The following RFTN1 variants were observed in gnomAD, a reference collection of about 807,000 sequenced individuals.
RFTN1 encodes the protein raftlin, lipid raft linker 1.
RFTN1 carries 26 observed loss-of-function variants against 46.5 expected under a neutral mutation model. The ratio of observed to expected loss-of-function variants is 0.56; its 90% confidence interval spans 0.41 to 0.78. The LOEUF is 0.78. Ranked by LOEUF, RFTN1 falls within the 30% of genes least tolerant of loss-of-function variation. RFTN1 has a pLI of 0.00. For missense variants in RFTN1, 693 were observed against 718.7 expected (o/e 0.96, Z 0.41); for synonymous variants, 261 against 284.2 (o/e 0.92, Z 0.82).
intron 4 of RFTN1, among the ~76,000 whole-genome samples, chr3:16,399,869 C>T (rs2074559518): frequency 6.6e-6 from 1 of 152,178 alleles, no homozygotes; most frequent in South Asian, 2.1e-4. Flanking sequence ...CCAGAAGCAA[C>T]CCTGGTGGTC....
At position 16,317,639 on chromosome 3, in the gene RFTN1, G is replaced by C. The variant is rs1336325619; in HGVS notation, c.1333-407C>G. 3.3e-5 allele frequency among the ~76,000 whole-genome samples: 5 copies of C among 152,188 alleles called. No homozygotes were observed. Among genetic ancestry groups the C allele is most frequent in the African/African-American group, 1.2e-4 (5 of 41,436 alleles). ...TCATTTCCATTCTGAGCAGGCTGAG[G>C]ATTACCAGGCACGGGGCTGGCATTC... is the stretch of plus-strand genomic sequence containing the variant. On this transcript the variant is annotated intron_variant, in intron 9 of 9. Transcript: ENST00000334133. This position sits in a 1 kb window ranked among gnomAD's most constrained non-coding sequence, Gnocchi z 4.3.
At chr3:16,476,006 G>A (rs1391127825) in intron 2 of RFTN1, among the ~76,000 whole-genome samples, 3 of 152,250 alleles carry the variant, frequency 2.0e-5, no homozygotes, top group Non-Finnish European at 4.4e-5. Flanking sequence ...CTGTCCTGCT[G>A]TTGTGCCAAG....
intron 2 of RFTN1, among the ~76,000 whole-genome samples, chr3:16,454,480 C>A (rs1408568695): frequency 1.3e-5 from 2 of 151,786 alleles, no homozygotes; most frequent in African/African-American, 4.8e-5. Context: ...TCACTCAAGT[C>A]TGAGGACGAT....
rs2076799063 is a variant in RFTN1, at chr3:16,506,015, A to G, written c.-9+7427T>C. Among the ~76,000 whole-genome samples the G allele has an allele frequency of 6.6e-6, 1 of 152,264 alleles. No individual in the cohort carries two copies. Among genetic ancestry groups the G allele is most frequent in the Non-Finnish European group, 1.5e-5 (1 of 68,054 alleles). The stretch of plus-strand genomic sequence containing the variant: ...TCATGGACCTTACCTTCAGAAGCCG[A>G]GAAACAGGCAATAGACAAACAAATA... On this transcript the variant is annotated intron_variant, in intron 1 of 9. Transcript: ENST00000334133. This position sits in a 1 kb window ranked among gnomAD's most constrained non-coding sequence, Gnocchi z 4.8.
chr3:16,412,640 A>G (rs1489523024), intron 3 of RFTN1, among the ~76,000 whole-genome samples: 1 of 152,208 alleles, frequency 6.6e-6, no homozygotes, highest in Non-Finnish European at 1.5e-5. Context: ...ACTTTTGTGC[A>G]ATCCAGCCCT....
intron 2 of RFTN1, among the ~76,000 whole-genome samples, chr3:16,492,335 G>C (rs1330125055): frequency 6.6e-6 from 1 of 152,206 alleles, no homozygotes; most frequent in Non-Finnish European, 1.5e-5. Flanking sequence ...GGGAGGAAGA[G>C]AAACACCTGC....
At position 16,351,200 on chromosome 3, in the gene RFTN1, G is replaced by A. The variant is rs2072075741; in HGVS notation, c.1146+6732C>T. Among the ~76,000 whole-genome samples, 1 of 152,194 alleles carries A rather than the reference G, an allele frequency of 6.6e-6. No individual in the cohort carries two copies. The highest frequency in any genetic ancestry group is 2.4e-5 in the African/African-American group (1 of 41,450). On this transcript the variant is annotated intron_variant, in intron 7 of 9. Transcript: ENST00000334133. The surrounding 1 kb of genome is among the most constrained non-coding windows in gnomAD (Gnocchi z 5.4). ...AACAACAGGGCCACCTGAATCCACT[G>A]CAGAATGGTTTGGGTTAGTGTCAGG... is the stretch of plus-strand genomic sequence containing the variant.
Position 16,380,551 on chromosome 3 carries a change from T to C in RFTN1, c.442-2449A>G, listed in dbSNP as rs530339864. ...TTCCTTTGCCATCTTGTACTGCAAATTTATCCTCTAGGCCAGGGGTTCTCA... is the reference window on the plus strand; with the variant it reads ...TTCCTTTGCCATCTTGTACTGCAAACTTATCCTCTAGGCCAGGGGTTCTCA... On this transcript the variant is annotated intron_variant, in intron 4 of 9. Transcript: ENST00000334133. This position sits in a 1 kb window ranked among gnomAD's most constrained non-coding sequence, Gnocchi z 4.8. 2.3e-4 allele frequency among the ~76,000 whole-genome samples: 35 copies of C among 152,262 alleles called. No homozygotes were observed. The highest frequency in any genetic ancestry group is 2.0e-3 in the Admixed American group (31 of 15,304).
chr3:16,353,657 GAAGT>G lies in RFTN1; in HGVS notation c.1146+4271_1146+4274del, dbSNP rs1374851839. Among the ~76,000 whole-genome samples, 1 of 152,210 alleles carries G rather than the reference GAAGT, an allele frequency of 6.6e-6. No homozygotes were observed. Among genetic ancestry groups the G allele is most frequent in the African/African-American group, 2.4e-5 (1 of 41,470 alleles). On this transcript the variant is annotated intron_variant, in intron 7 of 9. Transcript: ENST00000334133. The surrounding 1 kb of genome is among the most constrained non-coding windows in gnomAD (Gnocchi z 5.4). ...TGTATTTGGAGATGGGGCCTCTACA[GAAGT>G]AATTAAGGTTAAATGAAGTCATACG...
At position 16,336,528 on chromosome 3, in the gene RFTN1, T is replaced by A. The variant is rs117799393; in HGVS notation, c.1147-9652A>T. On this transcript the variant is annotated intron_variant, in intron 7 of 9. Transcript: ENST00000334133. The surrounding 1 kb of genome is among the most constrained non-coding windows in gnomAD (Gnocchi z 6.0). ...GCACGCTGGCCGGCTAGAGATGTTG[T>A]TTTCTCCTTTGTTTTATGCACAATG... is the stretch of plus-strand genomic sequence containing the variant. Among the ~76,000 whole-genome samples the A allele has an allele frequency of 6.6e-5, 10 of 152,332 alleles. No homozygotes were observed. In the East Asian group the frequency reaches 1.7e-3, roughly 26 times the overall value.
At position 16,489,019 on chromosome 3, in the gene RFTN1, C is replaced by T. The variant is rs1012645946; in HGVS notation, c.145+4706G>A. On this transcript the variant is annotated intron_variant, in intron 2 of 9. Transcript: ENST00000334133. This position sits in a 1 kb window ranked among gnomAD's most constrained non-coding sequence, Gnocchi z 4.0. Reference sequence around the variant, plus strand: ...GTAAAACAGAAAACACACCAAACAACATAAATCAATCTTAAATGAGTAAGT... The same window carrying T: ...GTAAAACAGAAAACACACCAAACAATATAAATCAATCTTAAATGAGTAAGT... 4.6e-5 allele frequency among the ~76,000 whole-genome samples: 7 copies of T among 152,198 alleles called. No homozygotes were observed. The highest frequency in any genetic ancestry group is 1.7e-4 in the African/African-American group (7 of 41,466).
rs898103618 is a variant in RFTN1 at position 16,481,037 on chromosome 3, C to T, written c.145+12688G>A. Among the ~76,000 whole-genome samples, 12 of 147,594 alleles carry T rather than the reference C, an allele frequency of 8.1e-5. No homozygotes were observed. The highest frequency in any genetic ancestry group is 1.4e-4 in the Non-Finnish European group (9 of 66,602). ...CACACACACACACACACACCTGAGC[C>T]CATTTTCATACAAGACTGAGTAGTG... On this transcript the variant is annotated intron_variant, in intron 2 of 9. Transcript: ENST00000334133. The surrounding 1 kb of genome is among the most constrained non-coding windows in gnomAD (Gnocchi z 5.1).
chr3:16,364,233 C>T (rs574141), intron 6 of RFTN1, among the ~76,000 whole-genome samples: 32,229 of 152,214 alleles, frequency 0.21, 4,295 homozygotes, highest in Non-Finnish European at 0.3. Flanking sequence ...GTTAGCTGGA[C>T]GTGGAAGCAC....
In RFTN1 at chr3:16,458,891, T is replaced by C. The variant is rs922488956; in HGVS notation, c.146-24854A>G. Among the ~76,000 whole-genome samples, 1 of 152,208 alleles carries C rather than the reference T, an allele frequency of 6.6e-6. No individual in the cohort carries two copies. The highest frequency in any genetic ancestry group is 2.4e-5 in the African/African-American group (1 of 41,456). On this transcript the variant is annotated intron_variant, in intron 2 of 9. Coordinates refer to ENST00000334133, the MANE Select transcript of RFTN1 (RefSeq NM_015150.2). The surrounding 1 kb of genome is among the most constrained non-coding windows in gnomAD (Gnocchi z 5.1). ...GTCATCTGAAAACATGGTGCTTAGC[T>C]TCACGAATTCCCTAAAAGTTACAAC... is the stretch of plus-strand genomic sequence containing the variant.
Position 16,506,096 on chromosome 3 carries a change from A to AG in RFTN1, c.-9+7345dup, listed in dbSNP as rs992134053. 2.6e-5 allele frequency among the ~76,000 whole-genome samples: 4 copies of AG among 152,322 alleles called. No individual in the cohort carries two copies. Among genetic ancestry groups the AG allele is most frequent in the African/African-American group, 4.8e-5 (2 of 41,566 alleles). ...TATGCCAACTAGAAAACAACAATGC[A>AG]GGGGGGAGGGATAGCAATCACAGGA... On this transcript the variant is annotated intron_variant, in intron 1 of 9. Transcript: ENST00000334133. This position sits in a 1 kb window ranked among gnomAD's most constrained non-coding sequence, Gnocchi z 4.8.
In RFTN1 at chr3:16,484,298, G is replaced by C. The variant is rs139993717; in HGVS notation, c.145+9427C>G. On this transcript the variant is annotated intron_variant, in intron 2 of 9. Transcript: ENST00000334133. This position sits in a 1 kb window ranked among gnomAD's most constrained non-coding sequence, Gnocchi z 4.6. ...TTGTGTGTCAGACTAACACCCCCCA[G>C]ACTGGAGGTCAAAGAAAAACTGGAC... Among the ~76,000 whole-genome samples the C allele has an allele frequency of 3.9e-3, 591 of 152,294 alleles. 3 individuals carry two copies. The highest frequency in any genetic ancestry group is 0.031 in the Middle Eastern group (9 of 294).
rs2076071638 is a variant in RFTN1, at chr3:16,465,374, A to AAG, written c.145+28350_145+28351insCT. Reference sequence around the variant, plus strand: ...ACGCTTTCATCAAGGCAATTCTCTGAGCACAGGAAAAAAATATCCCCAACA... The same window carrying AAG: ...ACGCTTTCATCAAGGCAATTCTCTGAAGGCACAGGAAAAAAATATCCCCAACA... On this transcript the variant is annotated intron_variant, in intron 2 of 9. Transcript: ENST00000334133. This position sits in a 1 kb window ranked among gnomAD's most constrained non-coding sequence, Gnocchi z 5.1. Among the ~76,000 whole-genome samples the AAG allele has an allele frequency of 6.6e-6, 1 of 151,762 alleles. No individual in the cohort carries two copies. The highest frequency in any genetic ancestry group is 1.5e-5 in the Non-Finnish European group (1 of 67,974).
chr3:16,376,049 C>T lies in RFTN1; in HGVS notation c.826+1669G>A, dbSNP rs1385948435. Among the ~76,000 whole-genome samples, 2 of 152,088 alleles carry T rather than the reference C, an allele frequency of 1.3e-5. No individual in the cohort carries two copies. The highest frequency in any genetic ancestry group is 6.5e-5 in the Admixed American group (1 of 15,274). On this transcript the variant is annotated intron_variant, in intron 5 of 9. Transcript: ENST00000334133. This position sits in a 1 kb window ranked among gnomAD's most constrained non-coding sequence, Gnocchi z 4.7. ...GAGGCAGGAAGTCTGGAAGGAGTAT[C>T]GGAGGAAGGTGGGCTCTGGAACACA...
At position 16,358,032 on chromosome 3, in the gene RFTN1, A is replaced by C; in HGVS notation, c.1046T>G (p.Leu349Trp). 1 of 1,578,720 alleles carries C rather than the reference A, an allele frequency of 6.3e-7. No homozygotes were observed. Among genetic ancestry groups the C allele is most frequent in the East Asian group, 2.3e-5 (1 of 43,550 alleles). Residue 349 changes from leucine to tryptophan, a missense_variant, in exon 7 of 10, where the codon TTG becomes TGG. Coordinates refer to ENST00000334133, the MANE Select transcript of RFTN1 (RefSeq NM_015150.2). ...TTCAAAGATGAATACTCCATCTGTC[A>C]AGCCATGTAAGGAATCTGTGGAAAA... ...LGIVNDSLHGLTDGVFIFEAV... is the reference protein window; with the variant it reads ...LGIVNDSLHGWTDGVFIFEAV...
Sources: allele counts gnomAD v4.1 joint callset (sites outside exome capture counted in the v4.1 genomes callset), GRCh38; gene constraint gnomAD v4.1.1; non-coding constraint Gnocchi (gnomAD v3.1); transcripts MANE v1.5; gene names NCBI Gene and HGNC (gene_info 2026-07-23, HGNC 2026-07-21).